Variants in ANKRD44 observed in about 807,000 individuals in gnomAD.
ANKRD44 encodes serine/threonine-protein phosphatase 6 regulatory ankyrin repeat subunit B.
A neutral mutation model predicts 116.0 loss-of-function variants in ANKRD44; 35 were observed. That is an observed-to-expected ratio of 0.30 (90% CI 0.23 to 0.40). The LOEUF (loss-of-function observed/expected upper bound fraction) is 0.40, where lower values mean the gene tolerates loss of function less well. Among genes scored for constraint, ANKRD44 ranks in the 10% least tolerant of loss-of-function variants. ANKRD44 has a pLI of 1.00. For missense variants in ANKRD44, 1,014 were observed against 1,242.6 expected, an observed-to-expected ratio of 0.82 and a Z score of 2.77; for synonymous variants, 435 against 461.8, an observed-to-expected ratio of 0.94 and a Z score of 0.74.
chr2:197,017,560 T>A (rs1037427961), intron 17 of ANKRD44, among the ~76,000 whole-genome samples: 1 of 152,224 alleles, frequency 6.6e-6, no homozygotes, highest in African/African-American at 2.4e-5. Context: ...ATATATCATT[T>A]ATAATAGGTA....
chr2:197,012,546 T>A (rs1035724415), intron 18 of ANKRD44, among the ~76,000 whole-genome samples: 15 of 152,130 alleles, frequency 9.9e-5, no homozygotes, highest in Non-Finnish European at 2.1e-4. Context: ...GGCTAACGTT[T>A]TTTTTTTTTC....
intron 1 of ANKRD44, among the ~76,000 whole-genome samples, chr2:197,204,331 TA>T (rs1437169269): frequency 2.0e-5 from 3 of 152,192 alleles, no homozygotes; most frequent in African/African-American, 4.8e-5. Flanking sequence ...TCTTTTTTTG[TA>T]ATTTCCAAAT....
intron 1 of ANKRD44, among the ~76,000 whole-genome samples, chr2:197,291,533 T>G (rs1311584033): frequency 6.6e-6 from 1 of 152,012 alleles, no homozygotes; most frequent in Non-Finnish European, 1.5e-5. Context: ...ATGTATAATA[T>G]TTGGATAAAA....
chr2:197,015,008 G>T, intron 17 of ANKRD44: 1 of 200,522 alleles, frequency 5.0e-6, no homozygotes, highest in Admixed American at 5.1e-5. Flanking sequence ...TGAGAAAATT[G>T]TTTATTGGTG....
At chr2:197,093,335 A>T (rs2078087987) in intron 10 of ANKRD44, among the ~76,000 whole-genome samples, 2 of 152,294 alleles carry the variant, frequency 1.3e-5, no homozygotes, top group East Asian at 1.9e-4. Flanking sequence ...CATAAACCTC[A>T]TTATCAATAT....
chr2:197,253,759 C>A (rs2082375687), intron 1 of ANKRD44, among the ~76,000 whole-genome samples: 1 of 152,176 alleles, frequency 6.6e-6, no homozygotes, highest in Admixed American at 6.5e-5. Context: ...GTTTTGTCTT[C>A]TTTCTGTGGC....
At chr2:197,282,133 G>C (rs2083283638) in intron 1 of ANKRD44, among the ~76,000 whole-genome samples, 1 of 152,064 alleles carries the variant, frequency 6.6e-6, no homozygotes, top group South Asian at 2.1e-4. Context: ...GGCACCTGTA[G>C]TCCCAGCTAC....
intron 2 of ANKRD44, among the ~76,000 whole-genome samples, chr2:197,173,252 A>G (rs1168967713): frequency 6.6e-6 from 1 of 152,212 alleles, no homozygotes; most frequent in African/African-American, 2.4e-5. Context: ...GTCATTATTC[A>G]AAATTATGGG....
At chr2:197,026,674 A>G (rs1023007448) in intron 16 of ANKRD44, among the ~76,000 whole-genome samples, 1 of 152,138 alleles carries the variant, frequency 6.6e-6, no homozygotes, top group Admixed American at 6.5e-5. Context: ...TGAGGTGGAA[A>G]TTCAGTGGAG....
At chr2:197,136,478 C>T in intron 4 of ANKRD44, 114 bp downstream of exon 4, 1 of 958,158 alleles carries the variant, frequency 1.0e-6, no homozygotes, top group Non-Finnish European at 1.6e-6. Flanking sequence ...GGGTAACCCT[C>T]TTACATTAGA....
chr2:197,013,471 G>A, intron 18 of ANKRD44, 40 bp downstream of exon 18: 1 of 1,592,380 alleles, frequency 6.3e-7, no homozygotes, highest in Non-Finnish European at 8.6e-7. Flanking sequence ...TTACGAACAA[G>A]CCACAAAACT....
At chr2:197,048,840 G>C (rs1327006231) in intron 16 of ANKRD44, among the ~76,000 whole-genome samples, 1 of 152,142 alleles carries the variant, frequency 6.6e-6, no homozygotes. Flanking sequence ...ATCCTCTCCA[G>C]CATCTGTTCT....
intron 1 of ANKRD44, among the ~76,000 whole-genome samples, chr2:197,241,994 T>TTAATC (rs1221486290): frequency 7.2e-5 from 11 of 152,206 alleles, no homozygotes; most frequent in African/African-American, 2.7e-4. Flanking sequence ...AATGTCTTGA[T>TTAATC]TAATCTTTTT....
intron 1 of ANKRD44, among the ~76,000 whole-genome samples, chr2:197,307,976 C>T (rs151279681): frequency 6.6e-4 from 100 of 152,174 alleles, no homozygotes; most frequent in African/African-American, 2.3e-3. Context: ...TTGAGACCAG[C>T]CTGGGCAACA....
At chr2:197,208,084 A>G (rs577006934) in intron 1 of ANKRD44, among the ~76,000 whole-genome samples, 4 of 152,308 alleles carry the variant, frequency 2.6e-5, no homozygotes, top group African/African-American at 9.6e-5. Flanking sequence ...AACTTTCTAA[A>G]TATGTTACTG....
chr2:197,116,840 T>A (rs2078722774), intron 8 of ANKRD44, among the ~76,000 whole-genome samples: 1 of 152,216 alleles, frequency 6.6e-6, no homozygotes, highest in Non-Finnish European at 1.5e-5. Flanking sequence ...TCAGACTGGC[T>A]ATACCAAAAC....
chr2:196,970,305 C>G (rs1401342503), intron 21 of ANKRD44, among the ~76,000 whole-genome samples: 1 of 152,108 alleles, frequency 6.6e-6, no homozygotes, highest in Non-Finnish European at 1.5e-5. Context: ...GGCAGTTTCT[C>G]TGTTGACTAA....
chr2:197,227,918 A>G (rs548322223), intron 1 of ANKRD44, among the ~76,000 whole-genome samples: 10 of 152,400 alleles, frequency 6.6e-5, no homozygotes, highest in Non-Finnish European at 2.9e-5. Context: ...CTGCACATTA[A>G]GAAAGAACAA....
intron 1 of ANKRD44, among the ~76,000 whole-genome samples, chr2:197,209,660 T>G (rs2579406): frequency 0.34 from 52,306 of 152,120 alleles, 10,592 homozygotes; most frequent in African/African-American, 0.56. Context: ...CAGTTAACTT[T>G]TAATTTCATC....
Sources: gnomAD v4.1 joint callset for allele counts (sites outside exome capture counted in the v4.1 genomes callset) on GRCh38, gnomAD v4.1.1 for gene constraint, MANE v1.5 for transcripts, NCBI Gene and HGNC (gene_info 2026-07-23, HGNC 2026-07-21) for gene names.